Variants in RBM19 observed in about 807,000 individuals in gnomAD.
RBM19 encodes RNA binding motif protein 19.
In RBM19, 94 loss-of-function variants were observed where a neutral mutation model predicts 116.8. The observed-to-expected ratio is 0.80, with a 90% CI of 0.68 to 0.95. The LOEUF (loss-of-function observed/expected upper bound fraction) is 0.95. RBM19 is among the 40% of genes least tolerant of loss of function. RBM19 has a pLI of 0.00. For synonymous variants in RBM19, 475 were observed against 494.1 expected, an observed-to-expected ratio of 0.96 and a Z score of 0.51; for missense variants, 1,161 against 1,220.7, an observed-to-expected ratio of 0.95 and a Z score of 0.73.
chr12:113,931,848 G>A (rs1386839095), intron 16 of RBM19, among the ~76,000 whole-genome samples: 1 of 152,164 alleles, frequency 6.6e-6, no homozygotes, highest in African/African-American at 2.4e-5. Flanking sequence ...ACCACTCGCT[G>A]TTCCATTCTT....
At chr12:113,901,498 T>TATTCATTCATTC (rs148668311) in intron 21 of RBM19, among the ~76,000 whole-genome samples, 344 of 151,744 alleles carry the variant, frequency 2.3e-3, no homozygotes, top group East Asian at 0.016. Context: ...TTCCTTCTTT[T>TATTCATTCATTC]ATTCATTCAT....
intron 22 of RBM19, among the ~76,000 whole-genome samples, chr12:113,852,959 G>A (rs540419823): frequency 2.0e-5 from 3 of 152,346 alleles, no homozygotes; most frequent in South Asian, 2.1e-4. Flanking sequence ...TGCTGGGTGC[G>A]CTGGGCACCC....
rs531221129 is a variant in RBM19 at position 113,916,429 on chromosome 12, T to C, written c.2442-1344A>G. Among the ~76,000 whole-genome samples, 30 of 152,244 alleles carry C rather than the reference T, an allele frequency of 2.0e-4. No homozygotes were observed. The South Asian group carries it at 6.0e-3, about 31-fold the overall frequency. On this transcript the variant is annotated intron_variant, in intron 20 of 23. Coordinates refer to ENST00000261741, the MANE Select transcript of RBM19 (RefSeq NM_016196.4). The stretch of plus-strand genomic sequence containing the variant: ...CTCAAAAAAATAGAAGCAGCAAAAC[T>C]ACAAATTCACTTCCTCGGTTGCTGG...
chr12:113,851,160 T>A (rs1565974426), intron 22 of RBM19, among the ~76,000 whole-genome samples: 1 of 152,182 alleles, frequency 6.6e-6, no homozygotes, highest in Non-Finnish European at 1.5e-5. Flanking sequence ...CAATCTTGGG[T>A]GACTCCCATC....
At chr12:113,934,718 G>A (rs1345303612) in intron 16 of RBM19, among the ~76,000 whole-genome samples, 1 of 152,176 alleles carries the variant, frequency 6.6e-6, no homozygotes, top group Non-Finnish European at 1.5e-5. Context: ...TGAGAGTGGG[G>A]ACAAATGGGA....
intron 21 of RBM19, among the ~76,000 whole-genome samples, chr12:113,872,084 G>A (rs1357707587): frequency 4.1e-5 from 6 of 147,090 alleles, no homozygotes; most frequent in African/African-American, 7.5e-5. Context: ...AGTGAGGAGC[G>A]CCTCTTCCCA....
chr12:113,935,184 C>A (rs574460337), intron 16 of RBM19, among the ~76,000 whole-genome samples: 1 of 152,166 alleles, frequency 6.6e-6, no homozygotes, highest in African/African-American at 2.4e-5. Context: ...GGAGCCACCA[C>A]GTGTCCCCAG....
At chr12:113,966,026 G>T in intron 1 of RBM19, 166 bp downstream of exon 1, 1 of 723,504 alleles carries the variant, frequency 1.4e-6, no homozygotes. Flanking sequence ...CTTTCCTCGG[G>T]ATCAAATGGG....
intron 16 of RBM19, among the ~76,000 whole-genome samples, chr12:113,927,865 A>G (rs1869245292): frequency 6.6e-6 from 1 of 152,260 alleles, no homozygotes; most frequent in Non-Finnish European, 1.5e-5. Flanking sequence ...TTCACAAACA[A>G]GAGACTAGGT....
rs999676680 is a variant in RBM19, at chr12:113,822,964, C to T, written c.*260G>A. On this transcript the variant is annotated 3_prime_UTR_variant, in exon 24 of 24. Coordinates refer to ENST00000261741, the MANE Select transcript of RBM19 (RefSeq NM_016196.4). ...CCTAACGTGGCTGCTCCCTTGGACT[C>T]TTCCGTGTCTGCTACAGAGCAGGTG... The T allele has an allele frequency of 4.3e-6, 2 of 468,210 alleles. No homozygotes were observed. The highest frequency in any genetic ancestry group is 4.0e-5 in the African/African-American group (2 of 50,374). The allele number at this position is 468,210 out of a possible 1,614,324, so 29.0% of individuals were successfully genotyped here.
At chr12:113,912,930 G>A (rs1251263022) in intron 21 of RBM19, among the ~76,000 whole-genome samples, 1 of 152,114 alleles carries the variant, frequency 6.6e-6, no homozygotes. Flanking sequence ...ATCCCCAGCC[G>A]GAGTGAACAA....
At chr12:113,950,881 G>A (rs753786829) in intron 8 of RBM19, among the ~76,000 whole-genome samples, 22 of 151,808 alleles carry the variant, frequency 1.4e-4, no homozygotes, top group Admixed American at 3.3e-4. Flanking sequence ...AACATCTTCC[G>A]TCCTTTTCCC....
At chr12:113,869,087 CT>C (rs1336641354) in intron 21 of RBM19, among the ~76,000 whole-genome samples, 12 of 152,134 alleles carry the variant, frequency 7.9e-5, no homozygotes, top group African/African-American at 2.9e-4. Flanking sequence ...TGAAAAGGAT[CT>C]ATATTGGTGC....
chr12:113,946,967 T>G (rs1218822346), intron 11 of RBM19, among the ~76,000 whole-genome samples: 1 of 152,246 alleles, frequency 6.6e-6, no homozygotes, highest in Non-Finnish European at 1.5e-5. Context: ...GTTTCTTTTA[T>G]TCCACTGTGG....
chr12:113,952,733 T>C (rs1316443583), intron 7 of RBM19, 143 bp from the exon 8 acceptor site: 2 of 603,184 alleles, frequency 3.3e-6, no homozygotes, highest in Non-Finnish European at 5.8e-6. Flanking sequence ...ACGTATCGCT[T>C]CTCCAATTAC....
intron 21 of RBM19, among the ~76,000 whole-genome samples, chr12:113,874,266 G>A (rs1265046770): frequency 6.6e-6 from 1 of 152,224 alleles, no homozygotes; most frequent in African/African-American, 2.4e-5. Context: ...AAGTGTCTGT[G>A]GAGTGCTGAT....
At chr12:113,891,406 T>C (rs1285731111) in intron 21 of RBM19, among the ~76,000 whole-genome samples, 1 of 152,152 alleles carries the variant, frequency 6.6e-6, no homozygotes, top group Non-Finnish European at 1.5e-5. Flanking sequence ...CTTTTCCACA[T>C]TTCTCCAGCA....
intron 21 of RBM19, among the ~76,000 whole-genome samples, chr12:113,913,284 C>T (rs1882564265): frequency 6.6e-6 from 1 of 152,102 alleles, no homozygotes; most frequent in Non-Finnish European, 1.5e-5. Flanking sequence ...AAAAGCAGAG[C>T]ATGTTTAAAC....
chr12:113,962,865 C>T (rs996742710), intron 1 of RBM19, among the ~76,000 whole-genome samples: 4 of 152,148 alleles, frequency 2.6e-5, no homozygotes, highest in African/African-American at 9.7e-5. Flanking sequence ...TGTTACCTTA[C>T]AAGGCAAAAG....
Sources: allele counts gnomAD v4.1 joint callset (sites outside exome capture counted in the v4.1 genomes callset), GRCh38; gene constraint gnomAD v4.1.1; transcripts MANE v1.5; gene names NCBI Gene and HGNC (gene_info 2026-07-23, HGNC 2026-07-21).